The following EVA1B variants were observed in gnomAD, a reference collection of about 807,000 sequenced individuals.
The protein encoded by EVA1B is protein eva-1 homolog B.
A neutral mutation model predicts 4.6 loss-of-function variants in EVA1B; 2 were observed. The ratio of observed to expected loss-of-function variants is 0.43; its 90% CI spans 0.18 to 1.37. The LOEUF (loss-of-function observed/expected upper bound fraction) is 1.37. EVA1B is among the 40% of genes most tolerant of loss of function. The probability of loss-of-function intolerance (pLI) is 0.28; values close to 1 mark genes in which losing one functional copy is unlikely to be tolerated. For synonymous variants in EVA1B, 124 were observed against 115.8 expected (o/e 1.07, Z -0.46); for missense variants, 263 against 240.4 (o/e 1.09, Z -0.62).
chr1:36,322,899 G>A (rs1385786924), intron 2 of EVA1B, 72 bp downstream of exon 2: 2 of 1,575,182 alleles, frequency 1.3e-6, no homozygotes, highest in African/African-American at 1.4e-5. Context: ...GGACGGACAA[G>A]GCGCTGGGGA....
Position 36,322,965 on chromosome 1 carries a change from C to T in EVA1B, c.67+6G>A. ...AGGCCCCCAGTCTTCCGGCGCCCGC[C>T]CTCACCGCGGATGTGCGCGTAGGCA... is the stretch of plus-strand genomic sequence containing the variant. On this transcript the variant is annotated splice_donor_region_variant and intron_variant, in intron 2 of 2. Transcript: ENST00000490466. The T allele has an allele frequency of 6.2e-7, 1 of 1,606,634 alleles. No individual in the cohort carries two copies. Among genetic ancestry groups the T allele is most frequent in the Non-Finnish European group, 8.5e-7 (1 of 1,177,300 alleles).
In EVA1B at chr1:36,322,734, C is replaced by T. The variant is rs1183666837; in HGVS notation, c.68-9G>A. ...GAAGCTCTCGGGGTTGGCTGCGGGG[C>T]ACAGGGCGGGGGTCACGGAGAGGCC... On this transcript the variant is annotated splice_polypyrimidine_tract_variant and intron_variant, in intron 2 of 2. Transcript: ENST00000490466. The T allele has an allele frequency of 6.5e-7, 1 of 1,545,744 alleles. No individual in the cohort carries two copies. Among genetic ancestry groups the T allele is most frequent in the Admixed American group, 2.0e-5 (1 of 50,962 alleles).
chr1:36,322,765 G>A (rs896463343), intron 2 of EVA1B, 40 bp from the exon 3 acceptor site: 9 of 1,533,438 alleles, frequency 5.9e-6, no homozygotes, highest in South Asian at 1.2e-5. Flanking sequence ...AGGCCCGGAC[G>A]GGTGGGGGTT....
At chr1:36,322,765 G>T (rs896463343) in intron 2 of EVA1B, 40 bp from the exon 3 acceptor site, 2 of 1,533,314 alleles carry the variant, frequency 1.3e-6, no homozygotes, top group Non-Finnish European at 1.8e-6. Context: ...AGGCCCGGAC[G>T]GGTGGGGGTT....
rs897624260 is a variant in EVA1B, at chr1:36,322,372, G to C, written c.421C>G (p.Pro141Ala). 1.9e-6 allele frequency: 3 copies of C among 1,590,712 alleles called. No individual in the cohort carries two copies. The highest frequency in any genetic ancestry group is 2.7e-5 in the African/African-American group (2 of 74,580). The change falls in exon 3 of 3, where the codon CCG becomes GCG. Residue 141 changes from proline to alanine, a missense_variant. Coordinates refer to ENST00000490466, the MANE Select transcript of EVA1B (RefSeq NM_001304762.2). ...ILREIWRTGQPDLLGTGTLGP... is the reference protein window; with the variant it reads ...ILREIWRTGQADLLGTGTLGP... ...AGCGTGCCTGTGCCCAGCAGGTCCG[G>C]CTGCCCGGTGCGCCAGATCTCCCGC... is the stretch of plus-strand genomic sequence containing the variant.
rs1646475033 is a variant in EVA1B, at chr1:36,322,218, T to G, written c.*77A>C. The G allele has an allele frequency of 7.1e-7, 1 of 1,405,344 alleles. No homozygotes were observed. The highest frequency in any genetic ancestry group is 2.7e-5 in the East Asian group (1 of 36,622). 87.1% of individuals were successfully genotyped at this position (1,405,344 alleles called of 1,614,324 possible). ...CTGGGAGCTGTGGGGGCCGAGGCAG[T>G]CCGAAGGTGTGGGGTAGCTCTGAGC... On this transcript the variant is annotated 3_prime_UTR_variant, in exon 3 of 3. Transcript: ENST00000490466.
In EVA1B at chr1:36,323,029, G is replaced by T. The variant is rs1484434280; in HGVS notation, c.9C>A (p.Ala3=). Residue 3 remains alanine (A), a synonymous_variant, in exon 2 of 3, where the codon GCC becomes GCA. Transcript: ENST00000490466. MD[A]PRRDMELLSN... ...TGAGCAACTCCATGTCCCTTCGCGG[G>T]GCATCCATGCTGCTCTGGGGGGCAG... 6.2e-7 allele frequency: 1 copy of T among 1,600,470 alleles called. No homozygotes were observed. The highest frequency in any genetic ancestry group is 2.2e-5 in the East Asian group (1 of 44,654).
Position 36,322,367 on chromosome 1 carries a change from G to T in EVA1B, c.426C>A (p.Asp142Glu). ...GCCCCAGCGTGCCTGTGCCCAGCAGGTCCGGCTGCCCGGTGCGCCAGATCT... is the reference window on the plus strand; with the variant it reads ...GCCCCAGCGTGCCTGTGCCCAGCAGTTCCGGCTGCCCGGTGCGCCAGATCT... ...LREIWRTGQP[D>E]LLGTGTLGPS... The change falls in exon 3 of 3, where the codon GAC becomes GAA. Residue 142 changes from aspartate (D) to glutamate (E), a missense_variant. Physicochemically the swap from Asp to Glu is conservative, Grantham distance 45. Coordinates refer to ENST00000490466, the MANE Select transcript of EVA1B (RefSeq NM_001304762.2). 1 of 1,589,656 alleles carries T rather than the reference G, an allele frequency of 6.3e-7. No individual in the cohort carries two copies. Among genetic ancestry groups the T allele is most frequent in the African/African-American group, 1.3e-5 (1 of 74,686 alleles).
chr1:36,323,434 C>T (rs984498990), intron 1 of EVA1B, 25 bp downstream of exon 1: 51 of 160,930 alleles, frequency 3.2e-4, no homozygotes, highest in Non-Finnish European at 6.5e-4. Flanking sequence ...CGGGGACCCA[C>T]CGGCCCGGGG....
Position 36,323,079 on chromosome 1 carries a change from G to C in EVA1B, c.-30-12C>G. ...GCTCCCCTACCAGCCTGCGAGGTCA[G>C]CAAAGTCAGATCCTTCTCCCAGCCT... On this transcript the variant is annotated splice_polypyrimidine_tract_variant and intron_variant, in intron 1 of 2. Coordinates refer to ENST00000490466, the MANE Select transcript of EVA1B (RefSeq NM_001304762.2). 5 of 1,586,970 alleles carry C rather than the reference G, an allele frequency of 3.2e-6. No individual in the cohort carries two copies. Among genetic ancestry groups the C allele is most frequent in the Non-Finnish European group, 4.3e-6 (5 of 1,170,122 alleles).
Position 36,322,613 on chromosome 1 carries a change from C to A in EVA1B, c.180G>T (p.Arg60=). The part of the protein sequence containing the change: ...SISWAPRPRP[R]GPAQRRDPRS... ...GGGGGTCCCGGCGCTGAGCCGGGCCCCGGGGCCGCGGGCGGGGCGCCCACG... is the reference window on the plus strand; with the variant it reads ...GGGGGTCCCGGCGCTGAGCCGGGCCACGGGGCCGCGGGCGGGGCGCCCACG... Residue 60 remains arginine (R), a synonymous_variant, in exon 3 of 3, where the codon CGG becomes CGT. Transcript: ENST00000490466. 1 of 1,549,732 alleles carries A rather than the reference C, an allele frequency of 6.5e-7. No individual in the cohort carries two copies. The highest frequency in any genetic ancestry group is 2.4e-5 in the East Asian group (1 of 41,508).
Position 36,322,206 on chromosome 1 carries a change from G to A in EVA1B, c.*89C>T. The A allele has an allele frequency of 7.2e-7, 1 of 1,390,656 alleles. No individual in the cohort carries two copies. The highest frequency in any genetic ancestry group is 2.6e-4 in the Middle Eastern group (1 of 3,782). The allele number at this position is 1,390,656 out of a possible 1,614,324, so 86.1% of individuals were successfully genotyped here. A position where few individuals can be genotyped will look rare whatever the true frequency, so the allele number is the denominator to read the frequency against. ...GCCCAGTAGCACCTGGGAGCTGTGG[G>A]GGCCGAGGCAGTCCGAAGGTGTGGG... On this transcript the variant is annotated 3_prime_UTR_variant, in exon 3 of 3. Coordinates refer to ENST00000490466, the MANE Select transcript of EVA1B (RefSeq NM_001304762.2).
chr1:36,323,696 G>A (rs1128083), upstream of EVA1B: 1 of 152,184 alleles, frequency 6.6e-6, no homozygotes, highest in South Asian at 2.1e-4. Context: ...GAAAAGGGCT[G>A]GGAGAGGAAG....
Position 36,322,094 on chromosome 1 carries a change from T to G in EVA1B, c.*201A>C. 2 of 1,345,962 alleles carry G rather than the reference T, an allele frequency of 1.5e-6. No individual in the cohort carries two copies. The highest frequency in any genetic ancestry group is 1.5e-5 in the African/African-American group (1 of 64,838). 83.4% of individuals were successfully genotyped at this position (1,345,962 alleles called of 1,614,324 possible). A position where few individuals can be genotyped will look rare whatever the true frequency, so the allele number is the denominator to read the frequency against. ...CTCTTCATCGACCCCAGAGAGGGAG[T>G]GGGGACCCTGCATGCTGCCCCCTCC... is the stretch of plus-strand genomic sequence containing the variant. On this transcript the variant is annotated 3_prime_UTR_variant, in exon 3 of 3. Transcript: ENST00000490466.
At position 36,322,169 on chromosome 1, in the gene EVA1B, G is replaced by A; in HGVS notation, c.*126C>T. 1 of 1,357,440 alleles carries A rather than the reference G, an allele frequency of 7.4e-7. No individual in the cohort carries two copies. Among genetic ancestry groups the A allele is most frequent in the South Asian group, 1.6e-5 (1 of 62,500 alleles). 84.1% of individuals were successfully genotyped at this position (1,357,440 alleles called of 1,614,324 possible). A position where few individuals can be genotyped will look rare whatever the true frequency, so the allele number is the denominator to read the frequency against. On this transcript the variant is annotated 3_prime_UTR_variant, in exon 3 of 3. Coordinates refer to ENST00000490466, the MANE Select transcript of EVA1B (RefSeq NM_001304762.2). ...ACTGGGGAAGGGAGCCTCTCAGGGG[G>A]TGGCGGTCCACGCCCAGTAGCACCT...
intron 1 of EVA1B, 138 bp downstream of exon 1, chr1:36,323,321 T>G: frequency 5.0e-6 from 2 of 397,828 alleles, no homozygotes; most frequent in Non-Finnish European, 4.5e-6. Flanking sequence ...TGAGGCCCGG[T>G]TCCGCCGTCC....
intron 1 of EVA1B, 53 bp from the exon 2 acceptor site, chr1:36,323,120 C>T: frequency 6.8e-7 from 1 of 1,464,588 alleles, no homozygotes; most frequent in Non-Finnish European, 9.2e-7. Context: ...CCACCCCGAC[C>T]CCTTCCGCGG....
rs1435356486 is a variant in EVA1B, at chr1:36,322,481, C to G, written c.312G>C (p.Pro104=). The change falls in exon 3 of 3, where the codon CCG becomes CCC. Residue 104 remains proline, a synonymous_variant. Transcript: ENST00000490466. ...AGACGTTGACGTTGAGGGGCCCGTC[C>G]GGCTCTGCGGACAGCTCGGGGCCCG... ...TLPGPELSAE[P]DGPLNVNVFT... 2 of 1,604,066 alleles carry G rather than the reference C, an allele frequency of 1.2e-6. No individual in the cohort carries two copies. Among genetic ancestry groups the G allele is most frequent in the South Asian group, 2.2e-5 (2 of 90,966 alleles).
Position 36,322,374 on chromosome 1 carries a change from T to C in EVA1B, c.419A>G (p.Gln140Arg). Residue 140 changes from glutamine (Q) to arginine (R), a missense_variant, in exon 3 of 3, where the codon CAG (glutamine) becomes CGG (arginine). Transcript: ENST00000490466. ...CGTGCCTGTGCCCAGCAGGTCCGGC[T>C]GCCCGGTGCGCCAGATCTCCCGCAG... ...RILREIWRTG[Q>R]PDLLGTGTLG... 6.3e-7 allele frequency: 1 copy of C among 1,592,208 alleles called. No homozygotes were observed. The highest frequency in any genetic ancestry group is 1.1e-5 in the South Asian group (1 of 89,726).
Sources: gnomAD v4.1 joint callset for allele counts on GRCh38, gnomAD v4.1.1 for gene constraint, MANE v1.5 for transcripts, NCBI Gene and HGNC (gene_info 2026-07-23, HGNC 2026-07-21) for gene names.